The following KCNH8 variants were observed in gnomAD, a reference collection of about 807,000 sequenced individuals.
The protein encoded by KCNH8 is potassium voltage-gated channel subfamily H member 8.
In KCNH8, 70 loss-of-function variants were observed where a neutral mutation model predicts 103.6. The ratio of observed to expected loss-of-function variants is 0.68; its 90% CI spans 0.56 to 0.82. KCNH8 has a LOEUF of 0.82. Among genes scored for constraint, KCNH8 ranks in the 40% least tolerant of loss-of-function variants. The pLI, the probability that KCNH8 is intolerant of heterozygous loss-of-function variation, is 0.00. For missense variants in KCNH8, 1,217 were observed against 1,329.9 expected, an observed-to-expected ratio of 0.92 and a Z score of 1.32; for synonymous variants, 498 against 489.4, an observed-to-expected ratio of 1.02 and a Z score of -0.23.
At chr3:19,162,615 GA>G (rs2063245154) in intron 1 of KCNH8, among the ~76,000 whole-genome samples, 1 of 151,898 alleles carries the variant, frequency 6.6e-6, no homozygotes, top group African/African-American at 2.4e-5. Context: ...ATATTAAAAT[GA>G]TTTAATTTTT....
At chr3:19,342,006 A>C (rs1488727717) in intron 3 of KCNH8, among the ~76,000 whole-genome samples, 1 of 152,120 alleles carries the variant, frequency 6.6e-6, no homozygotes, top group East Asian at 1.9e-4. Context: ...ATCTTAGATA[A>C]ATCTGAATCT....
Position 19,340,345 on chromosome 3 carries a change from A to T in KCNH8, c.443-2242A>T, listed in dbSNP as rs367652572. Among the ~76,000 whole-genome samples the T allele has an allele frequency of 5.2e-3, 755 of 144,942 alleles. 7 individuals carry two copies. The highest frequency in any genetic ancestry group is 0.017 in the African/African-American group (657 of 39,694). On this transcript the variant is annotated intron_variant, in intron 3 of 15. Coordinates refer to ENST00000328405, the MANE Select transcript of KCNH8 (RefSeq NM_144633.3). ...GACATAGATTCAATTTATTTTTTTTATTTTTTTTTTAATTTTTTTTTTTTT... is the reference window on the plus strand; with the variant it reads ...GACATAGATTCAATTTATTTTTTTTTTTTTTTTTTTAATTTTTTTTTTTTT...
chr3:19,424,869 T>G (rs58183288), intron 7 of KCNH8, among the ~76,000 whole-genome samples: 1 of 152,108 alleles, frequency 6.6e-6, no homozygotes, highest in African/African-American at 2.4e-5. Context: ...TCTAAAATTT[T>G]AAATGTGCAT....
chr3:19,348,061 G>T, intron 5 of KCNH8, 96 bp downstream of exon 5: 1 of 1,446,114 alleles, frequency 6.9e-7, no homozygotes, highest in Non-Finnish European at 9.4e-7. Context: ...AGATCCATTT[G>T]CATGGGCTTG....
intron 2 of KCNH8, among the ~76,000 whole-genome samples, chr3:19,279,722 C>T (rs765564475): frequency 2.6e-5 from 4 of 152,000 alleles, no homozygotes; most frequent in Non-Finnish European, 4.4e-5. Flanking sequence ...GCAGCAGCTA[C>T]GATAAAATAA....
intron 1 of KCNH8, among the ~76,000 whole-genome samples, chr3:19,213,117 A>G (rs977901175): frequency 1.3e-5 from 2 of 152,202 alleles, no homozygotes; most frequent in African/African-American, 4.8e-5. Context: ...AGGAATCTCT[A>G]CAGCATCCTT....
At chr3:19,403,361 AATATATATATATATATAT>A (rs57523893) in intron 7 of KCNH8, among the ~76,000 whole-genome samples, 2,079 of 124,624 alleles carry the variant, frequency 0.017, 56 homozygotes, top group Middle Eastern at 0.033. Flanking sequence ...ATATGTAAAG[AATATATATATATATATAT>A]ATATATATAT....
intron 11 of KCNH8, among the ~76,000 whole-genome samples, chr3:19,480,876 C>T (rs1045458364): frequency 1.3e-5 from 2 of 152,140 alleles, no homozygotes; most frequent in African/African-American, 4.8e-5. Flanking sequence ...TCTCAGTTCC[C>T]ACTGTATTCA....
chr3:19,171,240 C>T (rs1054012344), intron 1 of KCNH8, among the ~76,000 whole-genome samples: 10 of 151,680 alleles, frequency 6.6e-5, no homozygotes, highest in Middle Eastern at 3.2e-3. Context: ...ATTTCTTTTC[C>T]GGAACAATTA....
intron 13 of KCNH8, among the ~76,000 whole-genome samples, chr3:19,514,222 TTC>T (rs2068835828): frequency 6.6e-6 from 1 of 151,958 alleles, no homozygotes; most frequent in East Asian, 1.9e-4. Flanking sequence ...CAAGTGGTCT[TTC>T]TCAAATACTA....
chr3:19,342,706 A>T lies in KCNH8; in HGVS notation c.562A>T (p.Ile188Leu). The T allele has an allele frequency of 6.2e-7, 1 of 1,606,452 alleles. No homozygotes were observed. Among genetic ancestry groups the T allele is most frequent in the Non-Finnish European group, 8.5e-7 (1 of 1,174,860 alleles). ...AAGAAGAGAAAAGAACAAATTGAAA[A>T]TAAATAACGTAGGTGGTATGTGTGT... is the stretch of plus-strand genomic sequence containing the variant. ...LQRREKNKLKINNNVFVDKPA... is the reference protein window; with the variant it reads ...LQRREKNKLKLNNNVFVDKPA... The change falls in exon 4 of 16, where the codon ATA becomes TTA. Residue 188 changes from isoleucine (I) to leucine (L), a missense_variant. By Grantham distance (5) the Ile-to-Leu change is conservative (BLOSUM62 2). Around this residue, in one of 3 missense-constraint regions of KCNH8, gnomAD observed 244 missense variants for 256.8 expected, o/e 0.95. Coordinates refer to ENST00000328405, the MANE Select transcript of KCNH8 (RefSeq NM_144633.3).
chr3:19,314,096 T>A (rs894850348), intron 3 of KCNH8, among the ~76,000 whole-genome samples: 2 of 152,084 alleles, frequency 1.3e-5, no homozygotes, highest in African/African-American at 2.4e-5. Flanking sequence ...TAAAGCTGGG[T>A]CATCATACTT....
At chr3:19,272,542 G>A (rs1178887102) in intron 2 of KCNH8, among the ~76,000 whole-genome samples, 1 of 152,034 alleles carries the variant, frequency 6.6e-6, no homozygotes, top group Non-Finnish European at 1.5e-5. Context: ...GCTTAGAACT[G>A]TGCTGCAATC....
intron 3 of KCNH8, among the ~76,000 whole-genome samples, chr3:19,287,993 A>C (rs1179918660): frequency 6.6e-6 from 1 of 151,980 alleles, no homozygotes; most frequent in Non-Finnish European, 1.5e-5. Flanking sequence ...CTCCTTACCC[A>C]GGAGAATTTT....
chr3:19,171,307 C>A (rs531213516), intron 1 of KCNH8, among the ~76,000 whole-genome samples: 63 of 152,118 alleles, frequency 4.1e-4, no homozygotes, highest in African/African-American at 1.5e-3. Flanking sequence ...TTCTGAAAAA[C>A]GTTCTCACTT....
chr3:19,438,081 A>G (rs1170977026), intron 7 of KCNH8, 83 bp from the exon 8 acceptor site: 64 of 1,071,830 alleles, frequency 6.0e-5, no homozygotes, highest in African/African-American at 9.4e-5. Flanking sequence ...ACCTCCCCAA[A>G]TGTTCATTTA....
intron 3 of KCNH8, among the ~76,000 whole-genome samples, chr3:19,287,795 A>G (rs1575497297): frequency 6.6e-6 from 1 of 152,318 alleles, no homozygotes; most frequent in East Asian, 1.9e-4. Flanking sequence ...CATGTTGGCC[A>G]GGATGGTCTC....
chr3:19,296,342 C>T (rs970206404), intron 3 of KCNH8, among the ~76,000 whole-genome samples: 1 of 152,222 alleles, frequency 6.6e-6, no homozygotes, highest in African/African-American at 2.4e-5. Context: ...TCAAAGCAGA[C>T]ACTCATATTA....
intron 7 of KCNH8, among the ~76,000 whole-genome samples, chr3:19,406,111 C>T (rs758857749): frequency 1.3e-5 from 2 of 151,950 alleles, no homozygotes; most frequent in Non-Finnish European, 2.9e-5. Flanking sequence ...ACAACTAATG[C>T]CTTGGTCTGT....
Sources: gnomAD v4.1 joint callset for allele counts (sites outside exome capture counted in the v4.1 genomes callset) on GRCh38, gnomAD v4.1.1 for gene constraint, gnomAD v4.1.1 regional missense constraint, MANE v1.5 for transcripts, NCBI Gene and HGNC (gene_info 2026-07-23, HGNC 2026-07-21) for gene names.